Variants in KCNB2 observed in about 807,000 individuals in gnomAD.
KCNB2 encodes delayed rectifier potassium channel protein.
Under a neutral mutation model 61.5 loss-of-function variants are expected in KCNB2, and 15 were observed. The observed-to-expected ratio is 0.24, with a 90% confidence interval of 0.16 to 0.38. KCNB2 has a LOEUF of 0.38. Ranked by LOEUF, KCNB2 falls within the 10% of genes least tolerant of loss-of-function variation. The pLI is 1.00. For missense variants in KCNB2, 828 were observed against 1,125.2 expected (o/e 0.74, Z 3.78); for synonymous variants, 457 against 446.0 (o/e 1.02, Z -0.31).
At chr8:72,919,877 T>A (rs1806474724) in intron 2 of KCNB2, among the ~76,000 whole-genome samples, 3 of 152,180 alleles carry the variant, frequency 2.0e-5, no homozygotes, top group Admixed American at 6.5e-5. Flanking sequence ...TATGTCTTCA[T>A]CTATGAAGAC....
Position 72,637,796 on chromosome 8 carries a change from G to A in KCNB2, c.579+69483G>A, listed in dbSNP as rs16938271. Among the ~76,000 whole-genome samples, 166 of 152,278 alleles carry A rather than the reference G, an allele frequency of 1.1e-3. No homozygotes were observed. The East Asian group carries it at 0.022, about 20-fold the overall frequency. ...ACTAAAGACGTGCCATCAAGGGATT[G>A]CACAACCTCACAGGAGAATATGTGA... On this transcript the variant is annotated intron_variant, in intron 2 of 2. Transcript: ENST00000523207.
chr8:72,618,182 G>GT (rs1227828052), intron 2 of KCNB2, among the ~76,000 whole-genome samples: 1 of 150,868 alleles, frequency 6.6e-6, no homozygotes, highest in Non-Finnish European at 1.5e-5. Context: ...GCACATGTGT[G>GT]TTAAAAAAAA....
At chr8:72,868,381 C>T (rs1805565587) in intron 2 of KCNB2, among the ~76,000 whole-genome samples, 1 of 151,716 alleles carries the variant, frequency 6.6e-6, no homozygotes, top group Middle Eastern at 3.4e-3. Context: ...AGATCAAGAC[C>T]ATCCTGACCA....
At chr8:72,701,109 T>A (rs1358567607) in intron 2 of KCNB2, among the ~76,000 whole-genome samples, 1 of 152,080 alleles carries the variant, frequency 6.6e-6, no homozygotes, top group African/African-American at 2.4e-5. Flanking sequence ...GTTGAAAAAC[T>A]AACTGTTGGG....
At chr8:72,793,764 G>A (rs1019767212) in intron 2 of KCNB2, among the ~76,000 whole-genome samples, 12 of 152,152 alleles carry the variant, frequency 7.9e-5, no homozygotes, top group Admixed American at 2.6e-4. Context: ...TTAAAGCAAC[G>A]TTAACCAGTT....
intron 2 of KCNB2, among the ~76,000 whole-genome samples, chr8:72,821,159 G>A (rs1416202974): frequency 6.6e-6 from 1 of 152,086 alleles, no homozygotes; most frequent in Non-Finnish European, 1.5e-5. Flanking sequence ...GTCCCACTGC[G>A]ACTTTCTTTT....
At chr8:72,902,081 T>C (rs971942306) in intron 2 of KCNB2, among the ~76,000 whole-genome samples, 3 of 152,104 alleles carry the variant, frequency 2.0e-5, no homozygotes, top group Admixed American at 2.0e-4. Flanking sequence ...TTAGTCAGCA[T>C]GGTAGGGCAA....
At chr8:72,669,439 G>A (rs978472413) in intron 2 of KCNB2, among the ~76,000 whole-genome samples, 2 of 151,868 alleles carry the variant, frequency 1.3e-5, no homozygotes, top group Non-Finnish European at 2.9e-5. Context: ...ATCTTTTTTA[G>A]TTCAAAAAAA....
chr8:72,558,425 G>A (rs558419811), intron 1 of KCNB2, among the ~76,000 whole-genome samples: 22 of 152,298 alleles, frequency 1.4e-4, no homozygotes, highest in Middle Eastern at 3.4e-3. Context: ...ACCCACTGAA[G>A]CAGGAAAGAT....
intron 2 of KCNB2, among the ~76,000 whole-genome samples, chr8:72,910,867 A>G (rs1006611480): frequency 1.4e-4 from 21 of 152,338 alleles, no homozygotes; most frequent in African/African-American, 3.6e-4. Flanking sequence ...GCCTCATGCC[A>G]TGGTTTGAAG....
At chr8:72,717,466 T>A (rs1349562914) in intron 2 of KCNB2, among the ~76,000 whole-genome samples, 1 of 150,372 alleles carries the variant, frequency 6.7e-6, no homozygotes, top group African/African-American at 2.5e-5. Context: ...AAAACAGAGA[T>A]ATAGACCAAT....
At position 72,904,780 on chromosome 8, in the gene KCNB2, T is replaced by C. The variant is rs541619431; in HGVS notation, c.580-31155T>C. Among the ~76,000 whole-genome samples the C allele has an allele frequency of 4.3e-4, 66 of 152,224 alleles. 1 individual carries two copies. In the South Asian group the frequency reaches 0.013, roughly 29 times the overall value. ...CATAAACATCTACTTGAAAATTTATTACTCCATATTATCATCCCTTGCTCA... is the reference window on the plus strand; with the variant it reads ...CATAAACATCTACTTGAAAATTTATCACTCCATATTATCATCCCTTGCTCA... On this transcript the variant is annotated intron_variant, in intron 2 of 2. Coordinates refer to ENST00000523207, the MANE Select transcript of KCNB2 (RefSeq NM_004770.3).
At chr8:72,730,828 C>T (rs1368702104) in intron 2 of KCNB2, among the ~76,000 whole-genome samples, 3 of 152,076 alleles carry the variant, frequency 2.0e-5, no homozygotes, top group Non-Finnish European at 2.9e-5. Flanking sequence ...TTCTTATAAT[C>T]GTATTTTTAA....
At chr8:72,931,324 A>G (rs1017838478) in intron 2 of KCNB2, among the ~76,000 whole-genome samples, 19 of 152,268 alleles carry the variant, frequency 1.2e-4, no homozygotes, top group African/African-American at 4.3e-4. Flanking sequence ...GTTTTTTCCA[A>G]TTCTGTGAAG....
chr8:72,642,580 C>G (rs1806073777), intron 2 of KCNB2, among the ~76,000 whole-genome samples: 1 of 152,060 alleles, frequency 6.6e-6, no homozygotes, highest in Non-Finnish European at 1.5e-5. Context: ...CATTTGCACT[C>G]AGTGGTGGAG....
chr8:72,770,172 A>C (rs766887234), intron 2 of KCNB2, among the ~76,000 whole-genome samples: 7 of 152,344 alleles, frequency 4.6e-5, no homozygotes, highest in South Asian at 2.1e-4. Context: ...CAACTAAAAA[A>C]TATGCCTTCA....
chr8:72,677,915 A>G (rs971945572), intron 2 of KCNB2, among the ~76,000 whole-genome samples: 1 of 152,192 alleles, frequency 6.6e-6, no homozygotes, highest in Non-Finnish European at 1.5e-5. Context: ...AAATACCACT[A>G]TACCAAGGCA....
At chr8:72,699,367 T>C (rs180956417) in intron 2 of KCNB2, among the ~76,000 whole-genome samples, 2 of 152,322 alleles carry the variant, frequency 1.3e-5, no homozygotes, top group African/African-American at 2.4e-5. Flanking sequence ...TTTTTTCATA[T>C]GTTTGTTGGC....
At chr8:72,607,269 GC>G (rs1805464863) in intron 2 of KCNB2, among the ~76,000 whole-genome samples, 1 of 152,112 alleles carries the variant, frequency 6.6e-6, no homozygotes, top group Admixed American at 6.6e-5. Flanking sequence ...CAGGGATGGG[GC>G]CAGTGGAGAG....
Sources: gnomAD v4.1 joint callset for allele counts (sites outside exome capture counted in the v4.1 genomes callset) on GRCh38, gnomAD v4.1.1 for gene constraint, MANE v1.5 for transcripts, NCBI Gene and HGNC (gene_info 2026-07-23, HGNC 2026-07-21) for gene names.